Variants in CDH6 observed in about 807,000 individuals in gnomAD.
The protein encoded by CDH6 is cadherin-6.
CDH6 carries 31 observed loss-of-function variants against 78.0 expected under a neutral mutation model. The ratio of observed to expected loss-of-function variants is 0.40; its 90% CI spans 0.30 to 0.54. The LOEUF (loss-of-function observed/expected upper bound fraction) is 0.54, where lower values mean the gene tolerates loss of function less well. CDH6 is among the 20% of genes least tolerant of loss of function. CDH6 has a pLI of 0.56. For missense variants in CDH6, 724 were observed against 975.9 expected (o/e 0.74, Z 3.44); for synonymous variants, 376 against 368.8 (o/e 1.02, Z -0.23).
chr5:31,317,302 A>G (rs1738350806), intron 9 of CDH6, 73 bp from the exon 10 acceptor site: 2 of 753,074 alleles, frequency 2.7e-6, no homozygotes, highest in Non-Finnish European at 4.6e-6. Flanking sequence ...TTGTCAAGCA[A>G]TTTATTGCAA....
intron 6 of CDH6, among the ~76,000 whole-genome samples, 179 bp from the exon 7 acceptor site, chr5:31,304,995 A>T (rs937438624): frequency 6.6e-6 from 1 of 152,188 alleles, no homozygotes; most frequent in Middle Eastern, 3.2e-3. Context: ...CCTAGATATA[A>T]GAAAAAAAAT....
At position 31,292,232 on chromosome 5, in the gene CDH6, G is replaced by A. The variant is rs530790806; in HGVS notation, c.229-1730G>A. ...ACTGGTATGGGGGATATCGATATAA[G>A]TTACACCCAAAAAGGATTCTTTAAA... On this transcript the variant is annotated intron_variant, in intron 2 of 11. Transcript: ENST00000265071. 2.0e-5 allele frequency among the ~76,000 whole-genome samples: 3 copies of A among 152,226 alleles called. No homozygotes were observed. The East Asian group carries it at 5.8e-4, about 29-fold the overall frequency.
At chr5:31,261,453 A>T (rs1379574568) in intron 1 of CDH6, among the ~76,000 whole-genome samples, 1 of 133,502 alleles carries the variant, frequency 7.5e-6, no homozygotes, top group African/African-American at 2.8e-5. Context: ...GGGTAGGATG[A>T]TCTAAGTATA....
intron 2 of CDH6, among the ~76,000 whole-genome samples, chr5:31,289,760 T>C (rs192014759): frequency 4.6e-5 from 7 of 152,306 alleles, no homozygotes; most frequent in Non-Finnish European, 8.8e-5. Context: ...GCTGGCTTCA[T>C]AGACGACTAA....
intron 1 of CDH6, among the ~76,000 whole-genome samples, chr5:31,200,259 G>T (rs1740314019): frequency 1.3e-5 from 2 of 152,168 alleles, no homozygotes; most frequent in East Asian, 3.9e-4. Flanking sequence ...CCTTCAGAGG[G>T]ATCTTTATGA....
intron 2 of CDH6, among the ~76,000 whole-genome samples, chr5:31,273,474 T>A (rs1742590002): frequency 6.6e-6 from 1 of 152,154 alleles, no homozygotes; most frequent in South Asian, 2.1e-4. Context: ...GGGTATTGTT[T>A]CCATACAGAT....
chr5:31,315,324 C>T (rs548481789), intron 8 of CDH6, among the ~76,000 whole-genome samples: 2 of 152,124 alleles, frequency 1.3e-5, no homozygotes, highest in African/African-American at 2.4e-5. Context: ...GCCCCAACAT[C>T]GCAAATAGAG....
chr5:31,283,607 A>G (rs1742922570), intron 2 of CDH6, among the ~76,000 whole-genome samples: 1 of 152,184 alleles, frequency 6.6e-6, no homozygotes, highest in Non-Finnish European at 1.5e-5. Flanking sequence ...AGCCAGACCA[A>G]TTGCCAGATG....
Position 31,325,313 on chromosome 5 carries a change from CACACACAT to C in CDH6, c.*2013_*2020del. On this transcript the variant is annotated 3_prime_UTR_variant, in exon 12 of 12. Coordinates refer to ENST00000265071, the MANE Select transcript of CDH6 (RefSeq NM_004932.4). ...GGTTTCTTTTTTCTAGTTCTTCATA[CACACACAT>C]ACACACACACACACACACACACACA... 8.3e-6 allele frequency: 1 copy of C among 120,206 alleles called. No individual in the cohort carries two copies. Among genetic ancestry groups the C allele is most frequent in the Non-Finnish European group, 1.4e-5 (1 of 70,170 alleles). The allele number at this position is 120,206 out of a possible 1,614,324, so 7.4% of individuals were successfully genotyped here. A position where few individuals can be genotyped will look rare whatever the true frequency, so the allele number is the denominator to read the frequency against.
intron 1 of CDH6, among the ~76,000 whole-genome samples, chr5:31,222,282 T>G (rs1741022920): frequency 1.3e-5 from 2 of 152,298 alleles, no homozygotes; most frequent in East Asian, 3.9e-4. Flanking sequence ...CAATTTTTCC[T>G]TATTCTAAGA....
At chr5:31,196,895 TCAATAA>T (rs1322074925) in intron 1 of CDH6, among the ~76,000 whole-genome samples, 1 of 152,134 alleles carries the variant, frequency 6.6e-6, no homozygotes, top group Non-Finnish European at 1.5e-5. Flanking sequence ...TCTAATTTAC[TCAATAA>T]CAATAATAAC....
At chr5:31,251,170 A>T (rs550574657) in intron 1 of CDH6, 1 of 152,246 alleles carries the variant, frequency 6.6e-6, no homozygotes, top group Admixed American at 6.5e-5. Flanking sequence ...ACACTTAGAA[A>T]CCCAAAGGGA....
intron 7 of CDH6, among the ~76,000 whole-genome samples, chr5:31,310,292 T>C (rs1198364093): frequency 2.0e-5 from 3 of 152,226 alleles, no homozygotes; most frequent in Non-Finnish European, 4.4e-5. Flanking sequence ...ATAATCTCCT[T>C]TGACTCCATG....
intron 1 of CDH6, among the ~76,000 whole-genome samples, chr5:31,262,481 G>T (rs1426550788): frequency 6.6e-6 from 1 of 152,230 alleles, no homozygotes. Flanking sequence ...CCAACAAAAA[G>T]AAAAGAAGAG....
intron 1 of CDH6, among the ~76,000 whole-genome samples, chr5:31,247,684 T>A (rs1374405714): frequency 6.6e-6 from 1 of 152,228 alleles, no homozygotes; most frequent in Non-Finnish European, 1.5e-5. Context: ...ATTCTGTTTT[T>A]AAAAAATATT....
intron 1 of CDH6, among the ~76,000 whole-genome samples, chr5:31,197,585 T>C (rs2111762516): frequency 6.6e-6 from 1 of 152,332 alleles, no homozygotes. Flanking sequence ...TTCTGAATAA[T>C]GATTCTAAAT....
At chr5:31,273,228 A>G (rs980607019) in intron 2 of CDH6, among the ~76,000 whole-genome samples, 2 of 152,202 alleles carry the variant, frequency 1.3e-5, no homozygotes, top group Admixed American at 1.3e-4. Context: ...GCTTTTTTAA[A>G]TTCTTACACT....
At chr5:31,225,667 C>G (rs1227229195) in intron 1 of CDH6, among the ~76,000 whole-genome samples, 1 of 152,094 alleles carries the variant, frequency 6.6e-6, no homozygotes, top group East Asian at 1.9e-4. Flanking sequence ...GTCATGAGAA[C>G]AGCAAGAGGG....
At chr5:31,313,698 T>C (rs1054407974) in intron 8 of CDH6, among the ~76,000 whole-genome samples, 13 of 152,090 alleles carry the variant, frequency 8.5e-5, no homozygotes, top group African/African-American at 3.1e-4. Context: ...ATCTCACAAA[T>C]GAGATTGAAT....
Sources: gnomAD v4.1 joint callset for allele counts (sites outside exome capture counted in the v4.1 genomes callset) on GRCh38, gnomAD v4.1.1 for gene constraint, MANE v1.5 for transcripts, NCBI Gene and HGNC (gene_info 2026-07-23, HGNC 2026-07-21) for gene names.